The following PLCE1 variants were observed in gnomAD, a reference collection of about 807,000 sequenced individuals.
PLCE1 encodes the protein phospholipase C epsilon 1.
Under a neutral mutation model 242.8 loss-of-function variants are expected in PLCE1, and 119 were observed. The observed-to-expected ratio is 0.49, with a 90% CI of 0.42 to 0.57. The LOEUF is 0.57. Ranked by LOEUF, PLCE1 falls within the 20% of genes least tolerant of loss-of-function variation. PLCE1 has a pLI of 0.00. For missense variants in PLCE1, 2,441 were observed against 2,788.8 expected, an observed-to-expected ratio of 0.88 and a Z score of 2.81; for synonymous variants, 945 against 1,017.4, an observed-to-expected ratio of 0.93 and a Z score of 1.35.
chr10:94,299,723 C>G (rs1026637201), intron 24 of PLCE1, among the ~76,000 whole-genome samples: 4 of 152,240 alleles, frequency 2.6e-5, no homozygotes, highest in Non-Finnish European at 4.4e-5. Context: ...CAGCTAGCTA[C>G]CTGGCACTGG....
At chr10:94,155,405 A>T (rs2047400951) in intron 3 of PLCE1, among the ~76,000 whole-genome samples, 1 of 152,208 alleles carries the variant, frequency 6.6e-6, no homozygotes, top group Non-Finnish European at 1.5e-5. Context: ...CTATGATCCC[A>T]TTATATGAAA....
At chr10:94,225,019 A>C (rs1338378896) in intron 4 of PLCE1, 1 of 152,288 alleles carries the variant, frequency 6.6e-6, no homozygotes, top group Non-Finnish European at 1.5e-5. Context: ...GGGCAGAGGC[A>C]CATGCTGGGA....
intron 18 of PLCE1, 61 bp downstream of exon 18, chr10:94,270,663 GTTGTT>G (rs976865597): frequency 2.5e-5 from 26 of 1,034,966 alleles, no homozygotes; most frequent in Admixed American, 5.1e-5. Context: ...TTGTCATTGG[GTTGTT>G]TTGTTTTGTT....
intron 13 of PLCE1, among the ~76,000 whole-genome samples, chr10:94,260,327 TCAC>T (rs2051252822): frequency 1.3e-5 from 2 of 152,162 alleles, no homozygotes; most frequent in Non-Finnish European, 2.9e-5. Context: ...TCTATCTCAC[TCAC>T]CACCACCACC....
chr10:94,272,925 G>T (rs1186113362), intron 18 of PLCE1, among the ~76,000 whole-genome samples: 1 of 152,030 alleles, frequency 6.6e-6, no homozygotes, highest in Non-Finnish European at 1.5e-5. Flanking sequence ...TCAAGGCCAG[G>T]CCCAGTGGCT....
intron 1 of PLCE1, among the ~76,000 whole-genome samples, chr10:94,023,115 G>A (rs550204089): frequency 5.3e-5 from 8 of 152,104 alleles, no homozygotes; most frequent in Non-Finnish European, 1.0e-4. Context: ...CAATTAATGC[G>A]GACAGGTGGG....
At position 94,226,837 on chromosome 10, in the gene PLCE1, T is replaced by C. The variant is rs1226529995; in HGVS notation, c.1810-469T>C. On this transcript the variant is annotated intron_variant, in intron 4 of 32. Transcript: ENST00000371380. Reference sequence around the variant, plus strand: ...AGATTAAGGACCTATAGGTCTTTTTTTTTTTTTTTTTTTTTTTTTTGAGAC... The same window carrying C: ...AGATTAAGGACCTATAGGTCTTTTTCTTTTTTTTTTTTTTTTTTTTGAGAC... Among the ~76,000 whole-genome samples the C allele has an allele frequency of 4.3e-5, 6 of 138,068 alleles. 1 individual carries two copies. The highest frequency in any genetic ancestry group is 4.1e-4 in the East Asian group (2 of 4,882). The allele number at this position is 138,068 out of a possible 152,430, so 90.6% of individuals were successfully genotyped here. A position where few individuals can be genotyped will look rare whatever the true frequency, so the allele number is the denominator to read the frequency against.
Position 94,037,363 on chromosome 10 carries a change from C to A in PLCE1, c.1206+5111C>A, listed in dbSNP as rs1327999144. On this transcript the variant is annotated intron_variant, in intron 2 of 32. Transcript: ENST00000371380. ...GTAATTTTTATGGATGATAAAATATCCATTGAGCCCCACTGTTCAATGTTG... is the reference window on the plus strand; with the variant it reads ...GTAATTTTTATGGATGATAAAATATACATTGAGCCCCACTGTTCAATGTTG... Among the ~76,000 whole-genome samples the A allele has an allele frequency of 1.3e-5, 2 of 152,244 alleles. 1 individual carries two copies.
At chr10:94,204,737 A>G (rs1278707845) in intron 4 of PLCE1, among the ~76,000 whole-genome samples, 1 of 143,330 alleles carries the variant, frequency 7.0e-6, no homozygotes, top group Non-Finnish European at 1.5e-5. Flanking sequence ...GGAAGGAAAG[A>G]AGAAGGGAGG....
chr10:94,180,246 A>G (rs2048270245), intron 4 of PLCE1, among the ~76,000 whole-genome samples: 1 of 152,134 alleles, frequency 6.6e-6, no homozygotes, highest in African/African-American at 2.4e-5. Flanking sequence ...TTTTTTTATG[A>G]TTTCAATATG....
At chr10:94,233,023 C>T (rs1284887168) in intron 5 of PLCE1, among the ~76,000 whole-genome samples, 1 of 152,190 alleles carries the variant, frequency 6.6e-6, no homozygotes, top group African/African-American at 2.4e-5. Context: ...CCCACAATTC[C>T]CCCCAGAGAA....
intron 7 of PLCE1, among the ~76,000 whole-genome samples, chr10:94,242,996 A>T (rs2050559905): frequency 6.6e-6 from 1 of 152,222 alleles, no homozygotes; most frequent in African/African-American, 2.4e-5. Flanking sequence ...ACCCTCAAGG[A>T]AGTGCAACAT....
chr10:94,012,503 G>T (rs535043365), intron 1 of PLCE1, among the ~76,000 whole-genome samples: 1 of 151,994 alleles, frequency 6.6e-6, no homozygotes, highest in African/African-American at 2.4e-5. Context: ...AGCCTCACAT[G>T]CTGGAAAACA....
At chr10:94,152,327 C>T (rs1048658204) in intron 3 of PLCE1, among the ~76,000 whole-genome samples, 2 of 152,118 alleles carry the variant, frequency 1.3e-5, no homozygotes, top group Non-Finnish European at 2.9e-5. Flanking sequence ...TTAGATACAT[C>T]GCATAGGTGG....
At chr10:94,267,395 C>T (rs2051556634) in intron 16 of PLCE1, among the ~76,000 whole-genome samples, 1 of 152,116 alleles carries the variant, frequency 6.6e-6, no homozygotes, top group Non-Finnish European at 1.5e-5. Context: ...GCACAAGAAC[C>T]CCTCAAATAG....
At chr10:94,310,138 A>C (rs928859665) in intron 27 of PLCE1, among the ~76,000 whole-genome samples, 2 of 152,268 alleles carry the variant, frequency 1.3e-5, no homozygotes, top group Non-Finnish European at 2.9e-5. Context: ...TTACATGTTT[A>C]ATAATGTGAT....
chr10:94,256,375 T>TAAA, intron 11 of PLCE1, among the ~76,000 whole-genome samples: 1 of 133,854 alleles, frequency 7.5e-6, no homozygotes, highest in East Asian at 2.2e-4. Flanking sequence ...AAACAGAAAA[T>TAAA]AGAAAGAAAA....
chr10:94,189,781 C>T lies in PLCE1; in HGVS notation c.1809+18285C>T, dbSNP rs76359407. ...CAAGACTGAATTCAGGCTTTCCAAG[C>T]GTGGCTTTCGGAATAAGTGGAGCAC... On this transcript the variant is annotated intron_variant, in intron 4 of 32. Transcript: ENST00000371380. 2.9e-3 allele frequency among the ~76,000 whole-genome samples: 435 copies of T among 152,238 alleles called. 11 individuals are homozygous for T. Among genetic ancestry groups the T allele is most frequent in the East Asian group, 0.028 (147 of 5,174 alleles).
At chr10:94,259,264 T>C in intron 13 of PLCE1, 114 bp downstream of exon 13, 2 of 1,076,260 alleles carry the variant, frequency 1.9e-6, no homozygotes, top group Non-Finnish European at 2.9e-6. Flanking sequence ...ATTACTGCTG[T>C]GTAGGGAAAG....
Sources: allele counts gnomAD v4.1 joint callset (sites outside exome capture counted in the v4.1 genomes callset), GRCh38; gene constraint gnomAD v4.1.1; transcripts MANE v1.5; gene names NCBI Gene and HGNC (gene_info 2026-07-23, HGNC 2026-07-21).